RBM45: variants seen among roughly 807,000 people sequenced by gnomAD.
RBM45 encodes RNA binding motif protein 45, also known as RNA-binding protein 45.
RBM45 carries 39 observed loss-of-function variants against 58.5 expected under a neutral mutation model. That is an observed-to-expected ratio of 0.67 (90% CI 0.52 to 0.87). RBM45 has a LOEUF of 0.87. RBM45 is among the 40% of genes least tolerant of loss of function. The pLI is 0.00. For missense variants in RBM45, 481 were observed against 581.6 expected (o/e 0.83, Z 1.78); for synonymous variants, 193 against 203.0 (o/e 0.95, Z 0.42).
chr2:178,117,945 C>T lies in RBM45; in HGVS notation c.424-110C>T, dbSNP rs187449905. Reference sequence around the variant, plus strand: ...GCAATATCTGCATATTTTATACTGCCTATTTCTTTGTTTGCATGCAAGGGT... The same window carrying T: ...GCAATATCTGCATATTTTATACTGCTTATTTCTTTGTTTGCATGCAAGGGT... On this transcript the variant is annotated intron_variant, in intron 2 of 9. Transcript: ENST00000286070. 161 of 759,972 alleles carry T rather than the reference C, an allele frequency of 2.1e-4. No individual in the cohort carries two copies. The African/African-American group carries it at 2.3e-3, about 11-fold the overall frequency. The allele number at this position is 759,972 out of a possible 1,614,324, so 47.1% of individuals were successfully genotyped here. A position where few individuals can be genotyped will look rare whatever the true frequency, so the allele number is the denominator to read the frequency against.
intron 2 of RBM45, among the ~76,000 whole-genome samples, chr2:178,117,279 G>A (rs963904452): frequency 2.6e-5 from 4 of 151,956 alleles, no homozygotes; most frequent in African/African-American, 9.7e-5. Context: ...TAAGGAAAAT[G>A]TTTTTTACCT....
chr2:178,122,218 C>T (rs2087862163), intron 5 of RBM45, among the ~76,000 whole-genome samples: 1 of 151,622 alleles, frequency 6.6e-6, no homozygotes, highest in South Asian at 2.1e-4. Flanking sequence ...TAATAGGGCA[C>T]TCAGTAAATC....
At chr2:178,125,033 C>G (rs983769601) in intron 8 of RBM45, among the ~76,000 whole-genome samples, 4 of 151,946 alleles carry the variant, frequency 2.6e-5, no homozygotes, top group African/African-American at 9.7e-5. Flanking sequence ...ATTTGCCTTA[C>G]AAGAATGTTA....
chr2:178,120,428 C>CTTTT lies in RBM45; in HGVS notation c.673+20_673+23dup, dbSNP rs750064312. 1 of 1,601,778 alleles carries CTTTT rather than the reference C, an allele frequency of 6.2e-7. No individual in the cohort carries two copies. Among genetic ancestry groups the CTTTT allele is most frequent in the Non-Finnish European group, 8.5e-7 (1 of 1,175,532 alleles). Reference sequence around the variant, plus strand: ...CCATTTGGTAAGTAGGCAACCTTTACTTTTAATAGTATAATGTAGTATATG... The same window carrying CTTTT: ...CCATTTGGTAAGTAGGCAACCTTTACTTTTTTTTAATAGTATAATGTAGTATATG... On this transcript the variant is annotated intron_variant, in intron 4 of 9. Transcript: ENST00000286070.
At chr2:178,136,407 G>C (rs1220711198) in intron 3 of RBM45, 1 of 152,210 alleles carries the variant, frequency 6.6e-6, no homozygotes, top group East Asian at 1.9e-4. Context: ...CTGTTAATTT[G>C]AGACAGCTAT....
At chr2:178,123,121 T>C (rs974524824) in intron 5 of RBM45, among the ~76,000 whole-genome samples, 1 of 152,220 alleles carries the variant, frequency 6.6e-6, no homozygotes, top group Non-Finnish European at 1.5e-5. Flanking sequence ...TCTTTTCAAC[T>C]ATCACTTCTC....
At chr2:178,112,953 C>T (rs2087724874) in intron 1 of RBM45, 107 bp downstream of exon 1, 5 of 1,205,208 alleles carry the variant, frequency 4.1e-6, no homozygotes, top group South Asian at 1.5e-5. Flanking sequence ...CATCCGTTCC[C>T]GGCAGCTGAC....
At chr2:178,131,636 A>G (rs1367921424), downstream of RBM45, among the ~76,000 whole-genome samples, 1 of 152,234 alleles carries the variant, frequency 6.6e-6, no homozygotes, top group African/African-American at 2.4e-5. Flanking sequence ...ATCCTAGTAT[A>G]AATTCTAAAG....
chr2:178,138,661 G>C (rs991430785), exon 4 of RBM45: 1 of 151,804 alleles, frequency 6.6e-6, no homozygotes, highest in African/African-American at 2.4e-5. Context: ...TCAAAATTAA[G>C]AATAAAAGAA....
At chr2:178,133,258 TA>T (rs1246519775), downstream of RBM45, among the ~76,000 whole-genome samples, 5 of 152,228 alleles carry the variant, frequency 3.3e-5, no homozygotes, top group Admixed American at 3.3e-4. Context: ...CTTTAGTGAA[TA>T]TTTTTTGATG....
chr2:178,122,860 G>C (rs2087873584), intron 5 of RBM45, among the ~76,000 whole-genome samples: 2 of 152,094 alleles, frequency 1.3e-5, no homozygotes, highest in South Asian at 4.2e-4. Context: ...CCAGTGGTTT[G>C]TATTATAAAA....
At chr2:178,117,523 A>G (rs970646278) in intron 2 of RBM45, among the ~76,000 whole-genome samples, 21 of 152,236 alleles carry the variant, frequency 1.4e-4, no homozygotes, top group Non-Finnish European at 4.4e-5. Context: ...CTCCTTCAAA[A>G]GAATACACAA....
chr2:178,124,054 T>C (rs547932892), intron 7 of RBM45, 73 bp from the exon 8 acceptor site: 4 of 1,512,624 alleles, frequency 2.6e-6, no homozygotes, highest in East Asian at 2.3e-5. Flanking sequence ...ATGATACATA[T>C]CTGTCTTTAG....
At chr2:178,133,312 C>T (rs933661031), downstream of RBM45, among the ~76,000 whole-genome samples, 8 of 152,014 alleles carry the variant, frequency 5.3e-5, no homozygotes, top group Non-Finnish European at 8.8e-5. Flanking sequence ...AAAGCTTTTA[C>T]CTAATATTTT....
chr2:178,124,102 T>G (rs776066762), intron 7 of RBM45, 25 bp from the exon 8 acceptor site: 2 of 1,572,004 alleles, frequency 1.3e-6, no homozygotes, highest in African/African-American at 2.8e-5. Flanking sequence ...TTTTTTTCTT[T>G]TTCTTGTTTT....
intron 9 of RBM45, among the ~76,000 whole-genome samples, chr2:178,128,169 G>GT (rs1231088287): frequency 2.0e-5 from 3 of 151,768 alleles, no homozygotes; most frequent in Non-Finnish European, 4.4e-5. Context: ...CCATGCCCAG[G>GT]TAATTTTTTT....
intron 4 of RBM45, 42 bp from the exon 5 acceptor site, chr2:178,121,138 G>C: frequency 1.0e-6 from 1 of 980,618 alleles, no homozygotes; most frequent in Non-Finnish European, 1.5e-6. Context: ...ATTGTTGGCT[G>C]TGTAGAAATC....
intron 5 of RBM45, among the ~76,000 whole-genome samples, chr2:178,121,651 A>G (rs1486815727): frequency 1.3e-5 from 2 of 152,196 alleles, no homozygotes; most frequent in African/African-American, 4.8e-5. Flanking sequence ...AACATTCTGT[A>G]TTCCAGTTGC....
downstream of RBM45, among the ~76,000 whole-genome samples, chr2:178,131,115 A>C (rs2088000960): frequency 6.6e-6 from 1 of 152,230 alleles, no homozygotes; most frequent in Non-Finnish European, 1.5e-5. Flanking sequence ...TTTTTAAAAG[A>C]ACAAAGCAAT....
Sources: gnomAD v4.1 joint callset for allele counts (sites outside exome capture counted in the v4.1 genomes callset) on GRCh38, gnomAD v4.1.1 for gene constraint, MANE v1.5 for transcripts, NCBI Gene and HGNC (gene_info 2026-07-23, HGNC 2026-07-21) for gene names.